The following PREX2 variants were observed in gnomAD, a reference collection of about 807,000 sequenced individuals.
The protein encoded by PREX2 is phosphatidylinositol 3,4,5-trisphosphate-dependent Rac exchanger 2 protein.
A neutral mutation model predicts 203.2 loss-of-function variants in PREX2; 107 were observed. That is an observed-to-expected ratio of 0.53 (90% CI 0.45 to 0.62). The LOEUF is 0.62. PREX2 is among the 20% of genes least tolerant of loss of function. PREX2 has a pLI of 0.00. For missense variants in PREX2, 1,777 were observed against 1,955.9 expected (o/e 0.91, Z 1.72); for synonymous variants, 672 against 663.6 (o/e 1.01, Z -0.19).
intron 1 of PREX2, among the ~76,000 whole-genome samples, chr8:67,976,823 G>GAA (rs1806126629): frequency 7.6e-6 from 1 of 131,828 alleles, no homozygotes; most frequent in Non-Finnish European, 1.7e-5. Context: ...GTGAGACAGA[G>GAA]AGAGAGAAGC....
At chr8:67,981,239 G>T (rs1308505428) in intron 1 of PREX2, among the ~76,000 whole-genome samples, 2 of 152,176 alleles carry the variant, frequency 1.3e-5, no homozygotes, top group African/African-American at 2.4e-5. Flanking sequence ...TTGTCAGGAA[G>T]ACCTGGATAA....
intron 31 of PREX2, among the ~76,000 whole-genome samples, chr8:68,132,470 A>T (rs1193369678): frequency 6.6e-6 from 1 of 152,070 alleles, no homozygotes; most frequent in Non-Finnish European, 1.5e-5. Context: ...GTGAATATTC[A>T]GATACAAAAT....
At chr8:67,983,971 A>C (rs1191274521) in intron 1 of PREX2, among the ~76,000 whole-genome samples, 1 of 152,196 alleles carries the variant, frequency 6.6e-6, no homozygotes, top group African/African-American at 2.4e-5. Flanking sequence ...AGTAGTGCAC[A>C]TCAATCTAAT....
chr8:67,998,229 C>T (rs958672209), intron 1 of PREX2, among the ~76,000 whole-genome samples: 2 of 152,114 alleles, frequency 1.3e-5, no homozygotes, highest in African/African-American at 4.8e-5. Context: ...TCTATCCTGC[C>T]ACCCTGAATG....
At chr8:67,983,711 A>G (rs925155437) in intron 1 of PREX2, among the ~76,000 whole-genome samples, 1 of 151,690 alleles carries the variant, frequency 6.6e-6, no homozygotes, top group Non-Finnish European at 1.5e-5. Context: ...TTTATTGACC[A>G]CTCTTTGATT....
Position 68,231,373 on chromosome 8 carries a change from G to T in PREX2, c.4816G>T (p.Glu1606Ter). The change falls in exon 40 of 40, where the codon GAA becomes TAA. Residue 1606 changes from glutamate (E) to a stop codon, truncating the protein, a stop_gained. Coordinates refer to ENST00000288368, the MANE Select transcript of PREX2 (RefSeq NM_024870.4). LOFTEE classifies it high-confidence loss of function. ...CGAGCCACCTCCCCCAGCTGGAGAAGAATGAAAAGAACTCCCAAGAAACCA... is the reference window on the plus strand; with the variant it reads ...CGAGCCACCTCCCCCAGCTGGAGAATAATGAAAAGAACTCCCAAGAAACCA... ...LCEPPPPAGE[E>*] is the part of the protein sequence containing the mutation. The T allele has an allele frequency of 1.3e-6, 2 of 1,598,226 alleles. No homozygotes were observed. Among genetic ancestry groups the T allele is most frequent in the Non-Finnish European group, 1.7e-6 (2 of 1,173,210 alleles).
At chr8:68,207,007 G>C (rs1422898464) in intron 37 of PREX2, among the ~76,000 whole-genome samples, 1 of 152,152 alleles carries the variant, frequency 6.6e-6, no homozygotes, top group Non-Finnish European at 1.5e-5. Flanking sequence ...ATATATACTT[G>C]TCAGTTTGAC....
At chr8:68,049,584 G>A (rs1410868685) in intron 8 of PREX2, among the ~76,000 whole-genome samples, 1 of 152,054 alleles carries the variant, frequency 6.6e-6, no homozygotes, top group East Asian at 1.9e-4. Context: ...GTTCAGGTCT[G>A]TCCCTTGGAT....
intron 1 of PREX2, among the ~76,000 whole-genome samples, chr8:67,958,715 T>C (rs1475223312): frequency 1.3e-5 from 2 of 152,102 alleles, no homozygotes; most frequent in Admixed American, 1.3e-4. Flanking sequence ...TATGAGGGCT[T>C]TTTTGGGTAG....
At chr8:68,173,527 G>A (rs575191844) in intron 35 of PREX2, among the ~76,000 whole-genome samples, 2 of 152,162 alleles carry the variant, frequency 1.3e-5, no homozygotes, top group South Asian at 4.1e-4. Context: ...TACCTGGACT[G>A]GACTTATTCT....
At chr8:67,978,328 A>G (rs1806168873) in intron 1 of PREX2, among the ~76,000 whole-genome samples, 1 of 152,214 alleles carries the variant, frequency 6.6e-6, no homozygotes, top group Non-Finnish European at 1.5e-5. Flanking sequence ...AGCAAGGGAC[A>G]GAATATTGCC....
Position 68,068,884 on chromosome 8 carries a change from A to C in PREX2, c.1340-149A>C, listed in dbSNP as rs1326794749. The C allele has an allele frequency of 9.6e-6, 4 of 418,530 alleles. No homozygotes were observed. The East Asian group carries it at 1.6e-4, about 16-fold the overall frequency. The allele number at this position is 418,530 out of a possible 1,614,324, so 25.9% of individuals were successfully genotyped here. A position where few individuals can be genotyped will look rare whatever the true frequency, so the allele number is the denominator to read the frequency against. The stretch of plus-strand genomic sequence containing the variant: ...CATGAATCTTGCTGTTAAAATACTC[A>C]ATTGGTATTGCTGTGTTAGAAAAGC... On this transcript the variant is annotated intron_variant, in intron 11 of 39. Transcript: ENST00000288368.
chr8:68,097,342 T>A, intron 22 of PREX2, 141 bp downstream of exon 22: 1 of 655,684 alleles, frequency 1.5e-6, no homozygotes, highest in East Asian at 2.9e-5. Context: ...TTTTTTTTCT[T>A]GAGACAGAAT....
At chr8:67,956,376 A>G (rs1182183095) in intron 1 of PREX2, among the ~76,000 whole-genome samples, 1 of 152,216 alleles carries the variant, frequency 6.6e-6, no homozygotes, top group Non-Finnish European at 1.5e-5. Flanking sequence ...CAGGGTTCTG[A>G]GCTGAGAAGG....
Position 68,127,391 on chromosome 8 carries a change from G to A in PREX2, c.3738G>A (p.Arg1246=). ...CTTTCTCTGCAGAGGTAAAGTGTAG[G>A]CTACTCCTGGCTCTTCTTGAATATT... ...IRKFVEEVKC[R]LLLALLEYSD... is the part of the protein sequence containing the mutation. The change falls in exon 31 of 40, where the codon AGG becomes AGA. Residue 1246 remains arginine, a synonymous_variant. Transcript: ENST00000288368. 1 of 1,606,902 alleles carries A rather than the reference G, an allele frequency of 6.2e-7. No homozygotes were observed. Among genetic ancestry groups the A allele is most frequent in the Non-Finnish European group, 8.5e-7 (1 of 1,175,014 alleles).
rs181156716 is a variant in PREX2 at position 68,234,485 on chromosome 8, C to T, written c.*3107C>T. 5.3e-5 allele frequency: 8 copies of T among 152,118 alleles called. No individual in the cohort carries two copies. Among genetic ancestry groups the T allele is most frequent in the Admixed American group, 3.3e-4 (5 of 15,286 alleles). 9.4% of individuals were successfully genotyped at this position (152,118 alleles called of 1,614,324 possible). On this transcript the variant is annotated 3_prime_UTR_variant, in exon 40 of 40. Coordinates refer to ENST00000288368, the MANE Select transcript of PREX2 (RefSeq NM_024870.4). ...TACTTTTTAAGCATTCTATTATCTC[C>T]TATAATTTTTTCTAATATTAATTCC...
intron 33 of PREX2, among the ~76,000 whole-genome samples, chr8:68,145,066 T>C (rs886427269): frequency 6.6e-6 from 1 of 151,838 alleles, no homozygotes; most frequent in African/African-American, 2.4e-5. Flanking sequence ...ATTTAGTAGG[T>C]ATAAATCTGT....
chr8:68,157,714 G>T (rs1016213285), intron 35 of PREX2, among the ~76,000 whole-genome samples: 4 of 151,992 alleles, frequency 2.6e-5, no homozygotes, highest in African/African-American at 7.2e-5. Flanking sequence ...CCGTTTCCAA[G>T]AAAGAAAATC....
intron 9 of PREX2, 62 bp from the exon 10 acceptor site, chr8:68,055,768 A>G (rs1248712544): frequency 1.4e-6 from 2 of 1,476,678 alleles, no homozygotes; most frequent in South Asian, 1.2e-5. Context: ...TAATGAAGCC[A>G]TAACTGAATG....
Sources: gnomAD v4.1 joint callset for allele counts (sites outside exome capture counted in the v4.1 genomes callset) on GRCh38, gnomAD v4.1.1 for gene constraint, MANE v1.5 for transcripts, NCBI Gene and HGNC (gene_info 2026-07-23, HGNC 2026-07-21) for gene names.